The following SEMA3A variants were observed in gnomAD, a reference collection of about 807,000 sequenced individuals.
SEMA3A encodes the protein semaphorin-3A.
A neutral mutation model predicts 97.9 loss-of-function variants in SEMA3A; 29 were observed. That is an observed-to-expected ratio of 0.30 (90% CI 0.22 to 0.40). SEMA3A has a LOEUF of 0.40. Among genes scored for constraint, SEMA3A ranks in the 10% least tolerant of loss-of-function variants. The probability of loss-of-function intolerance (pLI) is 1.00; values close to 1 mark genes in which losing one functional copy is unlikely to be tolerated. For missense variants in SEMA3A, 763 were observed against 951.3 expected, an observed-to-expected ratio of 0.80 and a Z score of 2.60; for synonymous variants, 321 against 323.7, an observed-to-expected ratio of 0.99 and a Z score of 0.09.
At chr7:84,324,382 G>T (rs952114178) in intron 2 of SEMA3A, among the ~76,000 whole-genome samples, 1 of 152,150 alleles carries the variant, frequency 6.6e-6, no homozygotes, top group Non-Finnish European at 1.5e-5. Flanking sequence ...CTATTAGATA[G>T]AGTCCAGATT....
intron 4 of SEMA3A, among the ~76,000 whole-genome samples, chr7:84,062,545 T>TGC (rs1562745962): frequency 6.6e-6 from 1 of 152,034 alleles, no homozygotes; most frequent in African/African-American, 2.4e-5. Flanking sequence ...ACAGTGGGCA[T>TGC]AGGTCAGTGG....
At chr7:84,050,026 C>T (rs1414561387) in intron 5 of SEMA3A, among the ~76,000 whole-genome samples, 1 of 151,146 alleles carries the variant, frequency 6.6e-6, no homozygotes, top group Non-Finnish European at 1.5e-5. Flanking sequence ...CATCCATGTC[C>T]CTACAAAGGA....
At chr7:84,418,495 C>T (rs1340554035) in intron 1 of SEMA3A, among the ~76,000 whole-genome samples, 1 of 152,060 alleles carries the variant, frequency 6.6e-6, no homozygotes, top group Non-Finnish European at 1.5e-5. Context: ...TGAGTGGGGA[C>T]ACATCCTAAC....
chr7:83,983,971 A>C (rs997405292), intron 13 of SEMA3A, among the ~76,000 whole-genome samples: 3 of 152,190 alleles, frequency 2.0e-5, no homozygotes, highest in Non-Finnish European at 4.4e-5. Context: ...TCTGAACGAA[A>C]TCAAATCATT....
At chr7:84,005,676 G>A (rs1790638084) in intron 10 of SEMA3A, 118 bp from the exon 11 acceptor site, 2 of 689,914 alleles carry the variant, frequency 2.9e-6, no homozygotes, top group African/African-American at 1.8e-5. Flanking sequence ...GGCCAGGTAT[G>A]GTAGCTCACA....
intron 1 of SEMA3A, among the ~76,000 whole-genome samples, chr7:84,427,567 C>A (rs564238772): frequency 1.8e-4 from 25 of 138,568 alleles, no homozygotes; most frequent in African/African-American, 6.6e-4. Flanking sequence ...CTGCTTGAAC[C>A]AGGGAGGCGG....
chr7:84,301,174 C>T (rs1256263038), intron 3 of SEMA3A, among the ~76,000 whole-genome samples: 1 of 151,844 alleles, frequency 6.6e-6, no homozygotes, highest in Non-Finnish European at 1.5e-5. Context: ...ACTTTTTAAC[C>T]TTGGGGTAAG....
chr7:84,084,535 G>GAA lies in SEMA3A; in HGVS notation c.454-23979_454-23978dup, dbSNP rs11422473. Among the ~76,000 whole-genome samples, 23 of 149,892 alleles carry GAA rather than the reference G, an allele frequency of 1.5e-4. No homozygotes were observed. In the East Asian group the frequency reaches 1.6e-3, roughly 10 times the overall value. On this transcript the variant is annotated intron_variant, in intron 4 of 16. Coordinates refer to ENST00000265362, the MANE Select transcript of SEMA3A (RefSeq NM_006080.3). Reference sequence around the variant, plus strand: ...GACAGACTGTAAATTGAGAATAAATGAAAAAAAAATAGGTAAAATCATTTA... The same window carrying GAA: ...GACAGACTGTAAATTGAGAATAAATGAAAAAAAAAAATAGGTAAAATCATTTA...
At chr7:84,403,271 T>A (rs1803959578) in intron 1 of SEMA3A, among the ~76,000 whole-genome samples, 1 of 152,016 alleles carries the variant, frequency 6.6e-6, no homozygotes, top group African/African-American at 2.4e-5. Flanking sequence ...GCTCAGAGGG[T>A]CCTACACCCA....
chr7:84,217,355 G>A (rs1172959544), intron 3 of SEMA3A, among the ~76,000 whole-genome samples: 1 of 152,172 alleles, frequency 6.6e-6, no homozygotes, highest in South Asian at 2.1e-4. Flanking sequence ...TGTTGATGAT[G>A]CATTGACAGG....
At chr7:84,414,371 CAT>C (rs1239339687) in intron 1 of SEMA3A, among the ~76,000 whole-genome samples, 3 of 143,668 alleles carry the variant, frequency 2.1e-5, no homozygotes, top group African/African-American at 7.8e-5. Flanking sequence ...GTAATCAGCA[CAT>C]GATAAATAAT....
At chr7:84,211,486 T>C (rs927793218) in intron 3 of SEMA3A, among the ~76,000 whole-genome samples, 1 of 151,348 alleles carries the variant, frequency 6.6e-6, no homozygotes, top group Non-Finnish European at 1.5e-5. Flanking sequence ...TCGGGCATGC[T>C]GGTGCATGCC....
At chr7:84,386,300 T>C (rs949298071) in intron 1 of SEMA3A, among the ~76,000 whole-genome samples, 16 of 152,190 alleles carry the variant, frequency 1.1e-4, no homozygotes, top group African/African-American at 3.4e-4. Context: ...TGGGCACCTC[T>C]TTGGGCACTG....
chr7:84,490,199 CAAA>C (rs35030948), intron 1 of SEMA3A, among the ~76,000 whole-genome samples: 11 of 101,014 alleles, frequency 1.1e-4, no homozygotes, highest in South Asian at 3.6e-4. Flanking sequence ...GCTTTTCCAG[CAAA>C]AAAAAAAAAA....
At chr7:83,986,041 G>C (rs1046694114) in intron 12 of SEMA3A, among the ~76,000 whole-genome samples, 7 of 152,148 alleles carry the variant, frequency 4.6e-5, no homozygotes, top group Admixed American at 4.6e-4. Context: ...TCTGTGTTTG[G>C]ACATGATTAC....
rs1788273865 is a variant in SEMA3A at position 83,956,105 on chromosome 7, C to T, written c.*5266G>A. 2 of 152,114 alleles carry T rather than the reference C, an allele frequency of 1.3e-5. No homozygotes were observed. The highest frequency in any genetic ancestry group is 2.9e-5 in the Non-Finnish European group (2 of 68,004). 9.4% of individuals were successfully genotyped at this position (152,114 alleles called of 1,614,324 possible). A position where few individuals can be genotyped will look rare whatever the true frequency, so the allele number is the denominator to read the frequency against. Reference sequence around the variant, plus strand: ...GTTTGTTTAAAATAATAGGAGTCTGCCTATCAACTACATGTGCTGACCACA... The same window carrying T: ...GTTTGTTTAAAATAATAGGAGTCTGTCTATCAACTACATGTGCTGACCACA... On this transcript the variant is annotated 3_prime_UTR_variant, in exon 17 of 17. Transcript: ENST00000265362.
At chr7:84,301,777 T>A (rs991077831) in intron 3 of SEMA3A, among the ~76,000 whole-genome samples, 7 of 152,166 alleles carry the variant, frequency 4.6e-5, no homozygotes, top group African/African-American at 1.7e-4. Context: ...TTGGCTTAAG[T>A]ACTATAGTTT....
chr7:84,190,117 G>A (rs971059448), intron 1 of SEMA3A, among the ~76,000 whole-genome samples: 7 of 151,508 alleles, frequency 4.6e-5, no homozygotes, highest in East Asian at 3.9e-4. Context: ...TTTGTTTTGC[G>A]GTCTCAGTTA....
chr7:84,314,284 T>A (rs747136520), intron 2 of SEMA3A, among the ~76,000 whole-genome samples: 1 of 152,086 alleles, frequency 6.6e-6, no homozygotes, highest in Non-Finnish European at 1.5e-5. Context: ...ATTGTCATAA[T>A]CAATGATTTA....
Sources: gnomAD v4.1 joint callset for allele counts (sites outside exome capture counted in the v4.1 genomes callset) on GRCh38, gnomAD v4.1.1 for gene constraint, MANE v1.5 for transcripts, NCBI Gene and HGNC (gene_info 2026-07-23, HGNC 2026-07-21) for gene names.